UNKL: variants seen among roughly 807,000 people sequenced by gnomAD.
The protein encoded by UNKL is putative E3 ubiquitin-protein ligase UNKL.
Under a neutral mutation model 78.0 loss-of-function variants are expected in UNKL, and 60 were observed. The ratio of observed to expected loss-of-function variants is 0.77; its 90% CI spans 0.63 to 0.95. The LOEUF is 0.95. Ranked by LOEUF, UNKL falls within the 40% of genes least tolerant of loss-of-function variation. The probability of loss-of-function intolerance (pLI) is 0.00; values close to 1 mark genes in which losing one functional copy is unlikely to be tolerated. For missense variants in UNKL, 1,159 were observed against 1,045.7 expected (o/e 1.11, Z -1.49); for synonymous variants, 608 against 474.8 (o/e 1.28, Z -3.65).
intron 2 of UNKL, among the ~76,000 whole-genome samples, chr16:1,404,081 T>C (rs909922): frequency 0.92 from 139,876 of 152,232 alleles, 64,367 homozygotes; most frequent in East Asian, 1. Context: ...CAAACCGCTC[T>C]GGCATTCCTG....
intron 8 of UNKL, 127 bp downstream of exon 8, chr16:1,392,764 A>G: frequency 8.8e-7 from 1 of 1,142,756 alleles, no homozygotes; most frequent in Admixed American, 2.1e-5. Flanking sequence ...AGACTCTTCT[A>G]GAAGAGCCAC....
intron 2 of UNKL, among the ~76,000 whole-genome samples, chr16:1,410,443 A>T (rs1005802494): frequency 1.3e-5 from 2 of 152,140 alleles, no homozygotes; most frequent in Non-Finnish European, 1.5e-5. Context: ...CCCCATCTCT[A>T]CTAAAAATAC....
At chr16:1,394,978 A>G (rs1334207592) in intron 6 of UNKL, among the ~76,000 whole-genome samples, 1 of 152,122 alleles carries the variant, frequency 6.6e-6, no homozygotes, top group African/African-American at 2.4e-5. Flanking sequence ...CCCGAGTTCA[A>G]GTGATTCTCT....
At position 1,401,610 on chromosome 16, in the gene UNKL, CCTGG is replaced by C; in HGVS notation, c.552_555del (p.Ser184ArgfsTer3). ...TCGCTCAGGATCTTCTCAATCATGGCCTGGCTGGCCAAGACCCCAGGCTGCAGAT... is the reference window on the plus strand; with the variant it reads ...TCGCTCAGGATCTTCTCAATCATGGCCTGGCCAAGACCCCAGGCTGCAGAT... On this transcript the variant is annotated frameshift_variant, in exon 4 of 15. Transcript: ENST00000389221. LOFTEE classifies it high-confidence loss of function. The C allele has an allele frequency of 6.2e-7, 1 of 1,607,984 alleles. No homozygotes were observed. The highest frequency in any genetic ancestry group is 8.5e-7 in the Non-Finnish European group (1 of 1,177,580).
chr16:1,412,756 T>C (rs1415001938), intron 2 of UNKL, among the ~76,000 whole-genome samples: 3 of 151,986 alleles, frequency 2.0e-5, no homozygotes, highest in Non-Finnish European at 4.4e-5. Context: ...AACCGACCAC[T>C]ACAAAACGCT....
chr16:1,399,340 CCGGA>C lies in UNKL; in HGVS notation c.734+30_734+33del, dbSNP rs759361724. On this transcript the variant is annotated intron_variant, in intron 5 of 14. Coordinates refer to ENST00000389221, the MANE Select transcript of UNKL (RefSeq NM_001372107.1). This position sits in a 1 kb window ranked among gnomAD's most constrained non-coding sequence, Gnocchi z 5.8. ...ACGGGCCGGGAAGGACGCCCACCAG[CCGGA>C]GTCCTCTGAGCACGGTCCCGCAGGC... The C allele has an allele frequency of 6.5e-7, 1 of 1,531,380 alleles. No individual in the cohort carries two copies. Among genetic ancestry groups the C allele is most frequent in the South Asian group, 1.2e-5 (1 of 82,094 alleles). The allele number at this position is 1,531,380 out of a possible 1,614,324, so 94.9% of individuals were successfully genotyped here.
Position 1,366,047 on chromosome 16 carries a change from G to C in UNKL, c.*193C>G. 1.7e-6 allele frequency: 1 copy of C among 589,292 alleles called. No homozygotes were observed. The highest frequency in any genetic ancestry group is 3.1e-5 in the South Asian group (1 of 31,756). 36.5% of individuals were successfully genotyped at this position (589,292 alleles called of 1,614,324 possible). A position where few individuals can be genotyped will look rare whatever the true frequency, so the allele number is the denominator to read the frequency against. ...AAACCGTCGGTAGGACTAGATAGGT[G>C]ACAACGTGTGACAGGAAAGGCTGTC... On this transcript the variant is annotated 3_prime_UTR_variant, in exon 15 of 15. Transcript: ENST00000389221.
chr16:1,409,838 T>C (rs1252149210), intron 2 of UNKL, among the ~76,000 whole-genome samples: 2 of 152,044 alleles, frequency 1.3e-5, no homozygotes, highest in Non-Finnish European at 2.9e-5. Flanking sequence ...CCCAGCACTT[T>C]TGGAGGCCAA....
At chr16:1,374,525 G>A (rs941944218) in intron 10 of UNKL, among the ~76,000 whole-genome samples, 2 of 152,282 alleles carry the variant, frequency 1.3e-5, no homozygotes, top group East Asian at 1.9e-4. Context: ...GGGGGTCGGC[G>A]CGCCGGGAAC....
At chr16:1,366,491 A>C in intron 14 of UNKL, 96 bp from the exon 15 acceptor site, 140 of 1,388,652 alleles carry the variant, frequency 1.0e-4, no homozygotes, top group South Asian at 1.2e-4. Flanking sequence ...TCAGCATCTC[A>C]GGCCGCCCGG....
At chr16:1,393,079 G>T in intron 7 of UNKL, 103 bp from the exon 8 acceptor site, 1 of 1,219,340 alleles carries the variant, frequency 8.2e-7, no homozygotes, top group Non-Finnish European at 1.2e-6. Flanking sequence ...GCGCAGCCTC[G>T]TCACAATCAT....
At chr16:1,404,141 G>A (rs530391745) in intron 2 of UNKL, among the ~76,000 whole-genome samples, 15 of 144,024 alleles carry the variant, frequency 1.0e-4, no homozygotes, top group Non-Finnish European at 2.2e-4. Context: ...ACGCACAGAG[G>A]ACCCTGAGTC....
Position 1,364,267 on chromosome 16 carries a change from C to A in UNKL, c.*1973G>T, listed in dbSNP as rs1355299706. The A allele has an allele frequency of 6.6e-6, 1 of 152,218 alleles. No individual in the cohort carries two copies. The highest frequency in any genetic ancestry group is 1.5e-5 in the Non-Finnish European group (1 of 68,042). The allele number at this position is 152,218 out of a possible 1,614,324, so 9.4% of individuals were successfully genotyped here. On this transcript the variant is annotated 3_prime_UTR_variant, in exon 15 of 15. Coordinates refer to ENST00000389221, the MANE Select transcript of UNKL (RefSeq NM_001372107.1). Reference sequence around the variant, plus strand: ...CACGGACCCACTTCCTTTAAAACAACAGAATGTTGCTATCAGTTTGTCTTA... The same window carrying A: ...CACGGACCCACTTCCTTTAAAACAAAAGAATGTTGCTATCAGTTTGTCTTA...
rs1273133807 is a variant in UNKL, at chr16:1,397,548, G to C, written c.735-253C>G. Among the ~76,000 whole-genome samples the C allele has an allele frequency of 8.8e-4, 27 of 30,796 alleles. 3 individuals are homozygous for C. Among genetic ancestry groups the C allele is most frequent in the African/African-American group, 3.8e-3 (25 of 6,644 alleles). The allele number at this position is 30,796 out of a possible 152,430, so 20.2% of individuals were successfully genotyped here. A position where few individuals can be genotyped will look rare whatever the true frequency, so the allele number is the denominator to read the frequency against. ...ACCCCCGTGCTTCACGCTGGGGCAGGGCATGGACCTGGGGATGAGGAGGTG... is the reference window on the plus strand; with the variant it reads ...ACCCCCGTGCTTCACGCTGGGGCAGCGCATGGACCTGGGGATGAGGAGGTG... On this transcript the variant is annotated intron_variant, in intron 5 of 14. Transcript: ENST00000389221.
In UNKL at chr16:1,367,725, G is replaced by A. The variant is rs1203480022; in HGVS notation, c.1719C>T (p.Val573=). 6.3e-7 allele frequency: 1 copy of A among 1,580,092 alleles called. No homozygotes were observed. The highest frequency in any genetic ancestry group is 1.7e-4 in the Middle Eastern group (1 of 6,026). The change falls in exon 13 of 15, where the codon GTC becomes GTT. Residue 573 remains valine, a synonymous_variant. Transcript: ENST00000389221. ...TCTTGGCCTCGTCCAGCTGCCGCCT[G>A]ACCCGGGCCAGCTCAGCTCCGTTTG... ...ASPNGAELAR[V]RRQLDEAKRK... is the part of the protein sequence containing the mutation.
At chr16:1,405,924 C>T (rs1326233515) in intron 2 of UNKL, 1 of 456,584 alleles carries the variant, frequency 2.2e-6, no homozygotes, top group Non-Finnish European at 4.4e-6. Context: ...AAGGAGGGTC[C>T]ACCAGACCCC....
chr16:1,368,624 A>AC (rs1425672211), intron 12 of UNKL, among the ~76,000 whole-genome samples: 8 of 148,844 alleles, frequency 5.4e-5, no homozygotes, highest in East Asian at 4.0e-4. Flanking sequence ...AAAAAAAAAA[A>AC]AAAAAAAAAA....
At chr16:1,371,965 A>C (rs1404097924) in intron 10 of UNKL, among the ~76,000 whole-genome samples, 1 of 152,172 alleles carries the variant, frequency 6.6e-6, no homozygotes, top group Admixed American at 6.5e-5. Flanking sequence ...CTGTTTAAAA[A>C]ACTTTCCAGG....
intron 6 of UNKL, among the ~76,000 whole-genome samples, chr16:1,395,330 G>C (rs2142155530): frequency 6.6e-6 from 1 of 151,440 alleles, no homozygotes; most frequent in East Asian, 1.9e-4. Flanking sequence ...ACCAAACCTG[G>C]CTAATTTTTG....
Sources: gnomAD v4.1 joint callset for allele counts (sites outside exome capture counted in the v4.1 genomes callset) on GRCh38, gnomAD v4.1.1 for gene constraint, Gnocchi (gnomAD v3.1) non-coding constraint, MANE v1.5 for transcripts, NCBI Gene and HGNC (gene_info 2026-07-23, HGNC 2026-07-21) for gene names.